Variants in EYA2 observed in about 807,000 individuals in gnomAD.
The protein encoded by EYA2 is protein phosphatase EYA2.
EYA2 carries 31 observed loss-of-function variants against 69.2 expected under a neutral mutation model. The ratio of observed to expected loss-of-function variants is 0.45; its 90% confidence interval spans 0.34 to 0.60. The LOEUF (loss-of-function observed/expected upper bound fraction) is 0.60. Among genes scored for constraint, EYA2 ranks in the 20% least tolerant of loss-of-function variants. The pLI, the probability that EYA2 is intolerant of heterozygous loss-of-function variation, is 0.02. For synonymous variants in EYA2, 257 were observed against 279.4 expected, an observed-to-expected ratio of 0.92 and a Z score of 0.80; for missense variants, 622 against 701.2, an observed-to-expected ratio of 0.89 and a Z score of 1.28.
At chr20:46,986,932 C>T (rs56087312) in intron 1 of EYA2, among the ~76,000 whole-genome samples, 35,478 of 152,082 alleles carry the variant, frequency 0.23, 4,276 homozygotes, top group South Asian at 0.28. Context: ...CAAACCATAT[C>T]AGGGTGGGAT....
intron 1 of EYA2, among the ~76,000 whole-genome samples, chr20:46,987,916 G>C (rs1334587367): frequency 9.8e-5 from 2 of 20,350 alleles, no homozygotes; most frequent in Non-Finnish European, 1.9e-4. Context: ...GACAGAGTAA[G>C]TCTCTCTCTC....
chr20:47,042,473 T>A (rs1019963056), intron 5 of EYA2, among the ~76,000 whole-genome samples: 6 of 152,360 alleles, frequency 3.9e-5, no homozygotes, highest in Admixed American at 3.9e-4. Flanking sequence ...AAGGCTTAAG[T>A]CTGGGTTCTA....
chr20:47,124,513 A>T (rs2033129384), intron 9 of EYA2, among the ~76,000 whole-genome samples: 1 of 152,180 alleles, frequency 6.6e-6, no homozygotes, highest in Admixed American at 6.5e-5. Context: ...GATGTTGTCA[A>T]TGCTGATGGC....
At chr20:47,084,352 G>A (rs1364544569) in intron 7 of EYA2, among the ~76,000 whole-genome samples, 3 of 152,124 alleles carry the variant, frequency 2.0e-5, no homozygotes, top group Non-Finnish European at 4.4e-5. Context: ...ACCAGCGTGG[G>A]CAACATGGGG....
At chr20:46,979,282 C>A (rs566367430) in intron 1 of EYA2, among the ~76,000 whole-genome samples, 1 of 152,172 alleles carries the variant, frequency 6.6e-6, no homozygotes, top group Admixed American at 6.5e-5. Flanking sequence ...CGGGCTCCCC[C>A]ACTTCTTCCC....
At chr20:47,117,700 T>A in intron 9 of EYA2, 1 of 985,420 alleles carries the variant, frequency 1.0e-6, no homozygotes, top group Non-Finnish European at 1.2e-6. Context: ...AAAAACTATT[T>A]GTAGAAGTTG....
At chr20:47,040,247 G>A (rs1336089128) in intron 5 of EYA2, among the ~76,000 whole-genome samples, 1 of 152,156 alleles carries the variant, frequency 6.6e-6, no homozygotes, top group African/African-American at 2.4e-5. Context: ...TACAGTATTG[G>A]TTCTATCTGC....
Position 46,979,981 on chromosome 20 carries a change from C to T in EYA2, c.-10-10020C>T, listed in dbSNP as rs553743345. Among the ~76,000 whole-genome samples the T allele has an allele frequency of 3.3e-5, 5 of 152,284 alleles. No homozygotes were observed. The South Asian group carries it at 8.3e-4, about 25-fold the overall frequency. On this transcript the variant is annotated intron_variant, in intron 1 of 15. Coordinates refer to ENST00000327619, the MANE Select transcript of EYA2 (RefSeq NM_005244.5). ...TTGCCCAAGGTTACACCGCTGATAA[C>T]GACATAGCTGGGATTTGAACCCCTG...
At chr20:47,100,375 TA>T (rs1343128273) in intron 9 of EYA2, among the ~76,000 whole-genome samples, 5 of 152,124 alleles carry the variant, frequency 3.3e-5, no homozygotes, top group East Asian at 1.9e-4. Flanking sequence ...ACTGCCCTCT[TA>T]GGGGGGGTGG....
chr20:47,164,755 G>T (rs151189852), intron 10 of EYA2, among the ~76,000 whole-genome samples: 44 of 152,276 alleles, frequency 2.9e-4, no homozygotes, highest in Non-Finnish European at 5.9e-4. Context: ...GCTGAAGGAG[G>T]TAGCTGAAAA....
intron 10 of EYA2, among the ~76,000 whole-genome samples, chr20:47,166,721 C>T (rs35800994): frequency 0.019 from 2,821 of 152,162 alleles, 98 homozygotes; most frequent in African/African-American, 0.064. Context: ...ACACTGTTCT[C>T]GGTGCTCTCA....
chr20:46,977,668 C>T (rs1337330083), intron 1 of EYA2, among the ~76,000 whole-genome samples: 13 of 152,202 alleles, frequency 8.5e-5, no homozygotes. Context: ...CAGTGAATGG[C>T]TTTAGTGTCA....
intron 1 of EYA2, among the ~76,000 whole-genome samples, chr20:46,970,176 C>T (rs1051573670): frequency 6.6e-6 from 1 of 152,238 alleles, no homozygotes; most frequent in Non-Finnish European, 1.5e-5. Context: ...TTAAGCGCGA[C>T]TGAAGCGCGG....
At chr20:47,140,817 G>A (rs762706573) in intron 9 of EYA2, among the ~76,000 whole-genome samples, 27 of 152,128 alleles carry the variant, frequency 1.8e-4, no homozygotes, top group Non-Finnish European at 3.7e-4. Context: ...TCTGGGGATC[G>A]GCAAGTTCAA....
chr20:47,076,797 C>T lies in EYA2; in HGVS notation c.661+2462C>T, dbSNP rs114079859. ...GCTCTGAATTTTCCTGGGTTCGTTC[C>T]GTTCTCAGGCAAGCTCCTCCCCTAT... On this transcript the variant is annotated intron_variant, in intron 7 of 15. Coordinates refer to ENST00000327619, the MANE Select transcript of EYA2 (RefSeq NM_005244.5). 4.5e-3 allele frequency among the ~76,000 whole-genome samples: 684 copies of T among 152,250 alleles called. 7 individuals carry two copies. Among genetic ancestry groups the T allele is most frequent in the African/African-American group, 0.015 (632 of 41,544 alleles).
At chr20:47,028,846 A>C (rs1984242132) in intron 5 of EYA2, among the ~76,000 whole-genome samples, 1 of 152,182 alleles carries the variant, frequency 6.6e-6, no homozygotes, top group African/African-American at 2.4e-5. Flanking sequence ...CCCTGTGGCA[A>C]ACTAAGGAGC....
intron 5 of EYA2, among the ~76,000 whole-genome samples, chr20:47,059,514 CT>C (rs997430436): frequency 1.3e-5 from 2 of 152,110 alleles, no homozygotes; most frequent in Non-Finnish European, 2.9e-5. Flanking sequence ...CCACACCCAG[CT>C]GATTTTTGTA....
At chr20:46,939,044 C>A (rs6018193) in intron 1 of EYA2, among the ~76,000 whole-genome samples, 1 of 152,044 alleles carries the variant, frequency 6.6e-6, no homozygotes, top group African/African-American at 2.4e-5. Flanking sequence ...AGGTTGATTG[C>A]CCTTTTGGGA....
rs142881808 is a variant in EYA2 at position 47,088,559 on chromosome 20, C to T, written c.662-680C>T. 4.7e-3 allele frequency among the ~76,000 whole-genome samples: 723 copies of T among 152,224 alleles called. 4 individuals are homozygous for T. The highest frequency in any genetic ancestry group is 0.011 in the Admixed American group (167 of 15,288). On this transcript the variant is annotated intron_variant, in intron 7 of 15. Transcript: ENST00000327619. ...ATAAATGAGTCACCTTTCAGCCCTC[C>T]CCGCTGCCCCACCCTGATTGATTGA... is the stretch of plus-strand genomic sequence containing the variant.
Sources: gnomAD v4.1 joint callset for allele counts (sites outside exome capture counted in the v4.1 genomes callset) on GRCh38, gnomAD v4.1.1 for gene constraint, MANE v1.5 for transcripts, NCBI Gene and HGNC (gene_info 2026-07-23, HGNC 2026-07-21) for gene names.